The following LTBP1 variants were observed in gnomAD, a reference collection of about 807,000 sequenced individuals.
LTBP1 encodes the protein latent transforming growth factor beta binding protein 1.
Under a neutral mutation model 207.6 loss-of-function variants are expected in LTBP1, and 129 were observed. That is an observed-to-expected ratio of 0.62 (90% CI 0.54 to 0.72). The LOEUF (loss-of-function observed/expected upper bound fraction) is 0.72, where lower values mean the gene tolerates loss of function less well. Among genes scored for constraint, LTBP1 ranks in the 30% least tolerant of loss-of-function variants. The pLI, the probability that LTBP1 is intolerant of heterozygous loss-of-function variation, is 0.00. For synonymous variants in LTBP1, 963 were observed against 833.7 expected (o/e 1.16, Z -2.67); for missense variants, 2,281 against 2,217.2 (o/e 1.03, Z -0.58).
At chr2:32,953,483 T>C (rs953886956) in intron 2 of LTBP1, among the ~76,000 whole-genome samples, 7 of 152,208 alleles carry the variant, frequency 4.6e-5, no homozygotes, top group Admixed American at 3.9e-4. Context: ...GAGAATCTTG[T>C]CATGTGACAC....
intron 7 of LTBP1, among the ~76,000 whole-genome samples, chr2:33,204,013 C>T (rs1262761171): frequency 6.6e-6 from 1 of 152,136 alleles, no homozygotes; most frequent in Non-Finnish European, 1.5e-5. Flanking sequence ...TCTGTGCTAT[C>T]CCTCAGAATT....
intron 5 of LTBP1, among the ~76,000 whole-genome samples, chr2:33,184,810 T>C (rs80235395): frequency 0.031 from 4,682 of 150,520 alleles, 103 homozygotes; most frequent in Middle Eastern, 0.13. Context: ...GCATTTCTTC[T>C]AGACATTGGG....
At chr2:33,353,339 C>T (rs2094808545) in intron 26 of LTBP1, among the ~76,000 whole-genome samples, 1 of 152,052 alleles carries the variant, frequency 6.6e-6, no homozygotes, top group African/African-American at 2.4e-5. Flanking sequence ...TGACTGTCAC[C>T]GAGTTGTCAC....
At chr2:33,099,865 C>T (rs1412880953) in intron 3 of LTBP1, among the ~76,000 whole-genome samples, 1 of 152,156 alleles carries the variant, frequency 6.6e-6, no homozygotes, top group Non-Finnish European at 1.5e-5. Flanking sequence ...CGAACAGCTT[C>T]TCTGACATCT....
chr2:33,229,385 G>T (rs571028401), intron 9 of LTBP1, among the ~76,000 whole-genome samples: 1 of 152,164 alleles, frequency 6.6e-6, no homozygotes, highest in East Asian at 1.9e-4. Flanking sequence ...GAGGCAGAAG[G>T]GTTGCTTGAG....
chr2:33,353,859 C>CATTTTTTTT (rs777108878), intron 26 of LTBP1, among the ~76,000 whole-genome samples: 3 of 113,114 alleles, frequency 2.7e-5, no homozygotes, highest in Non-Finnish European at 3.9e-5. Context: ...TGCATGTACG[C>CATTTTTTTT]CTTTTTTTTT....
intron 7 of LTBP1, 70 bp downstream of exon 7, chr2:33,188,921 G>T: frequency 6.7e-7 from 1 of 1,498,866 alleles, no homozygotes; most frequent in Non-Finnish European, 9.0e-7. Context: ...AAGAAAGCCA[G>T]ACTTGATAAA....
chr2:33,062,540 T>G (rs1429388194), intron 3 of LTBP1, among the ~76,000 whole-genome samples: 3 of 152,210 alleles, frequency 2.0e-5, no homozygotes, highest in Admixed American at 1.3e-4. Context: ...TTCAGGATCA[T>G]TTGTTGAAAA....
At chr2:33,121,017 G>A (rs1032894103) in intron 4 of LTBP1, among the ~76,000 whole-genome samples, 3 of 152,030 alleles carry the variant, frequency 2.0e-5, no homozygotes, top group Admixed American at 2.0e-4. Flanking sequence ...AATATAATTC[G>A]CATGGAGCTA....
chr2:32,968,343 G>A (rs1321478838), intron 2 of LTBP1, among the ~76,000 whole-genome samples: 1 of 152,142 alleles, frequency 6.6e-6, no homozygotes, highest in Non-Finnish European at 1.5e-5. Flanking sequence ...ATGTTTTCTT[G>A]GAGAATTGAC....
At chr2:33,346,801 T>A (rs908771799) in intron 25 of LTBP1, among the ~76,000 whole-genome samples, 5 of 151,956 alleles carry the variant, frequency 3.3e-5, no homozygotes, top group African/African-American at 4.8e-5. Context: ...TGCAGTACAA[T>A]TCCAGAGTAT....
chr2:33,196,172 A>G (rs1387279637), intron 7 of LTBP1, among the ~76,000 whole-genome samples: 3 of 152,206 alleles, frequency 2.0e-5, no homozygotes, highest in African/African-American at 7.2e-5. Flanking sequence ...AACCCACAAC[A>G]TATCTGAGAT....
chr2:33,003,081 T>A (rs1227168845), intron 2 of LTBP1, among the ~76,000 whole-genome samples: 2 of 152,216 alleles, frequency 1.3e-5, no homozygotes, highest in African/African-American at 2.4e-5. Flanking sequence ...AGTTCCAGAC[T>A]TTGTACTGGT....
At chr2:33,302,926 G>A (rs533256825) in intron 22 of LTBP1, among the ~76,000 whole-genome samples, 49 of 150,662 alleles carry the variant, frequency 3.3e-4, no homozygotes, top group African/African-American at 1.1e-3. Context: ...TTAGCTGGGC[G>A]TGGTGGCGCC....
At chr2:33,293,332 A>G (rs762120066) in intron 20 of LTBP1, 50 bp downstream of exon 20, 10 of 1,559,104 alleles carry the variant, frequency 6.4e-6, no homozygotes, top group Non-Finnish European at 6.1e-6. Context: ...TCATTTAAAT[A>G]TAGATTAGAG....
chr2:33,120,658 G>C (rs916599794), intron 4 of LTBP1, among the ~76,000 whole-genome samples: 2 of 151,972 alleles, frequency 1.3e-5, no homozygotes, highest in Admixed American at 6.5e-5. Context: ...ATTCATTCAC[G>C]TGCATGTGTC....
At chr2:33,110,876 A>G in intron 4 of LTBP1, 125 bp downstream of exon 4, 1 of 934,830 alleles carries the variant, frequency 1.1e-6, no homozygotes. Context: ...AAAAATCCAC[A>G]TTGGTTCCTG....
At chr2:33,229,895 A>G (rs1489398796) in intron 9 of LTBP1, among the ~76,000 whole-genome samples, 1 of 152,212 alleles carries the variant, frequency 6.6e-6, no homozygotes, top group East Asian at 1.9e-4. Flanking sequence ...ATTCTATTTC[A>G]TGGGTCCTCA....
intron 2 of LTBP1, among the ~76,000 whole-genome samples, chr2:33,002,512 G>A (rs998116840): frequency 6.6e-6 from 1 of 152,158 alleles, no homozygotes; most frequent in Non-Finnish European, 1.5e-5. Flanking sequence ...CAGGCCCAGC[G>A]TCTCTTCTCC....
Sources: gnomAD v4.1 joint callset for allele counts (sites outside exome capture counted in the v4.1 genomes callset) on GRCh38, gnomAD v4.1.1 for gene constraint, MANE v1.5 for transcripts, NCBI Gene and HGNC (gene_info 2026-07-23, HGNC 2026-07-21) for gene names.